Variants in SGCZ observed in about 807,000 individuals in gnomAD.
The protein encoded by SGCZ is sarcoglycan zeta.
SGCZ carries 40 observed loss-of-function variants against 41.3 expected under a neutral mutation model. That is an observed-to-expected ratio of 0.97 (90% CI 0.75 to 1.26). The LOEUF (loss-of-function observed/expected upper bound fraction) is 1.26. Ranked by LOEUF, SGCZ falls within the 50% of genes most tolerant of loss-of-function variation. The probability of loss-of-function intolerance (pLI) is 0.00; values close to 1 mark genes in which losing one functional copy is unlikely to be tolerated. For missense variants in SGCZ, 552 were observed against 369.8 expected (o/e 1.49, Z -4.04); for synonymous variants, 206 against 137.5 (o/e 1.50, Z -3.49).
intron 1 of SGCZ, among the ~76,000 whole-genome samples, chr8:14,691,791 AT>A (rs144003152): frequency 7.9e-5 from 12 of 151,904 alleles, no homozygotes; most frequent in East Asian, 1.9e-4. Flanking sequence ...CTGCAATAAA[AT>A]TTTTTTTGCC....
At chr8:14,555,889 G>C (rs940508245) in intron 1 of SGCZ, among the ~76,000 whole-genome samples, 5 of 151,942 alleles carry the variant, frequency 3.3e-5, no homozygotes, top group African/African-American at 1.2e-4. Flanking sequence ...GGTTATTTTA[G>C]TTGTATTTCA....
At chr8:14,188,117 T>A (rs1804965926) in intron 4 of SGCZ, among the ~76,000 whole-genome samples, 1 of 152,118 alleles carries the variant, frequency 6.6e-6, no homozygotes, top group Non-Finnish European at 1.5e-5. Flanking sequence ...GAAGGCAAGA[T>A]AAAGATATTC....
chr8:14,590,301 G>T (rs1026146086), intron 1 of SGCZ, among the ~76,000 whole-genome samples: 1 of 151,864 alleles, frequency 6.6e-6, no homozygotes, highest in Non-Finnish European at 1.5e-5. Flanking sequence ...AGGAGTTAAA[G>T]AAAAAATTAT....
At chr8:14,589,217 A>G (rs996087385) in intron 1 of SGCZ, among the ~76,000 whole-genome samples, 5 of 151,970 alleles carry the variant, frequency 3.3e-5, no homozygotes, top group Non-Finnish European at 7.4e-5. Context: ...GTGCTGGTGC[A>G]TGCCTATAAT....
chr8:15,112,257 T>C (rs772649763), intron 1 of SGCZ, among the ~76,000 whole-genome samples: 5 of 152,236 alleles, frequency 3.3e-5, no homozygotes, highest in African/African-American at 4.8e-5. Context: ...CCCTGATATC[T>C]TCTCAACTTT....
intron 1 of SGCZ, among the ~76,000 whole-genome samples, chr8:15,003,545 T>C (rs575895758): frequency 1.3e-5 from 2 of 152,284 alleles, no homozygotes; most frequent in South Asian, 2.1e-4. Flanking sequence ...AACCATACAA[T>C]TAAAAAGTAG....
At chr8:15,048,045 T>C (rs1804376419) in intron 1 of SGCZ, among the ~76,000 whole-genome samples, 1 of 152,022 alleles carries the variant, frequency 6.6e-6, no homozygotes, top group African/African-American at 2.4e-5. Flanking sequence ...CCATATTCAT[T>C]GCACCATTCT....
At chr8:14,943,532 G>C (rs1800344350) in intron 1 of SGCZ, among the ~76,000 whole-genome samples, 2 of 152,130 alleles carry the variant, frequency 1.3e-5, no homozygotes, top group Admixed American at 6.6e-5. Context: ...TTCCATCTAT[G>C]AGAATGGAAC....
At chr8:14,899,852 GGAA>G (rs201752516) in intron 1 of SGCZ, among the ~76,000 whole-genome samples, 90 of 142,772 alleles carry the variant, frequency 6.3e-4, no homozygotes, top group Non-Finnish European at 7.5e-4. Flanking sequence ...AGGAAGAGGA[GGAA>G]GAAGAAGAAG....
chr8:14,565,388 G>C (rs1277604378), intron 1 of SGCZ, among the ~76,000 whole-genome samples: 1 of 151,746 alleles, frequency 6.6e-6, no homozygotes, highest in Non-Finnish European at 1.5e-5. Context: ...CATTCTCAGA[G>C]CTTTTCTGCT....
chr8:14,268,397 C>G (rs1250346231), intron 3 of SGCZ, among the ~76,000 whole-genome samples: 1 of 150,878 alleles, frequency 6.6e-6, no homozygotes. Context: ...AACATTGCTT[C>G]ATACCATTTT....
intron 2 of SGCZ, among the ~76,000 whole-genome samples, chr8:14,355,761 G>A (rs1803271345): frequency 1.3e-5 from 2 of 152,008 alleles, no homozygotes; most frequent in Non-Finnish European, 2.9e-5. Flanking sequence ...CATACTCAGT[G>A]TACCCAGTTG....
chr8:14,524,715 C>A (rs1296786043), intron 2 of SGCZ, among the ~76,000 whole-genome samples: 2 of 152,092 alleles, frequency 1.3e-5, no homozygotes, highest in Non-Finnish European at 2.9e-5. Flanking sequence ...ACCTTCTCTG[C>A]ACGGTTTTTA....
chr8:14,949,598 A>G (rs1800564633), intron 1 of SGCZ, among the ~76,000 whole-genome samples: 1 of 152,240 alleles, frequency 6.6e-6, no homozygotes, highest in East Asian at 1.9e-4. Context: ...TGAAGGCAAG[A>G]TATTTTATTG....
intron 5 of SGCZ, among the ~76,000 whole-genome samples, chr8:14,141,458 A>C (rs1247966302): frequency 6.6e-6 from 1 of 152,232 alleles, no homozygotes; most frequent in Non-Finnish European, 1.5e-5. Context: ...AAAGAACTTA[A>C]ACAAATTACA....
intron 2 of SGCZ, among the ~76,000 whole-genome samples, chr8:14,423,171 C>A (rs1370478677): frequency 6.8e-6 from 1 of 145,994 alleles, no homozygotes; most frequent in Non-Finnish European, 1.5e-5. Context: ...GTGGGGTGGG[C>A]GGAGGGGGGA....
chr8:14,811,823 T>C (rs536871530), intron 1 of SGCZ, among the ~76,000 whole-genome samples: 2 of 152,178 alleles, frequency 1.3e-5, no homozygotes, highest in Admixed American at 1.3e-4. Context: ...TCAGATCAAA[T>C]AGAATCTTGG....
chr8:15,170,345 C>T (rs986145742), intron 1 of SGCZ, among the ~76,000 whole-genome samples: 4 of 152,178 alleles, frequency 2.6e-5, no homozygotes, highest in Non-Finnish European at 5.9e-5. Context: ...TCACTGAGCA[C>T]TTCCTCTTCC....
intron 3 of SGCZ, among the ~76,000 whole-genome samples, chr8:14,281,159 T>A (rs1009896884): frequency 3.9e-5 from 6 of 151,966 alleles, no homozygotes; most frequent in African/African-American, 9.7e-5. Context: ...ATGAATGAAT[T>A]CAAGATACTC....
Sources: gnomAD v4.1 joint callset for allele counts (sites outside exome capture counted in the v4.1 genomes callset) on GRCh38, gnomAD v4.1.1 for gene constraint, MANE v1.5 for transcripts, NCBI Gene and HGNC (gene_info 2026-07-23, HGNC 2026-07-21) for gene names.